The following KIAA1328 variants were observed in gnomAD, a reference collection of about 807,000 sequenced individuals.
KIAA1328 encodes protein hinderin.
KIAA1328 carries 52 observed loss-of-function variants against 68.1 expected under a neutral mutation model. That is an observed-to-expected ratio of 0.76 (90% CI 0.61 to 0.96). The LOEUF (loss-of-function observed/expected upper bound fraction) is 0.96, where lower values mean the gene tolerates loss of function less well. Among genes scored for constraint, KIAA1328 ranks in the 40% least tolerant of loss-of-function variants. The probability of loss-of-function intolerance (pLI) is 0.00; values close to 1 mark genes in which losing one functional copy is unlikely to be tolerated. For synonymous variants in KIAA1328, 232 were observed against 239.4 expected (o/e 0.97, Z 0.28); for missense variants, 641 against 677.6 (o/e 0.95, Z 0.60).
intron 5 of KIAA1328, among the ~76,000 whole-genome samples, chr18:36,906,791 C>T (rs1330018296): frequency 2.6e-5 from 4 of 152,010 alleles, no homozygotes; most frequent in Non-Finnish European, 5.9e-5. Flanking sequence ...ATAAGTTTTC[C>T]AATCAGTTAG....
intron 5 of KIAA1328, among the ~76,000 whole-genome samples, chr18:36,950,478 C>A (rs974507960): frequency 6.6e-6 from 1 of 152,080 alleles, no homozygotes; most frequent in African/African-American, 2.4e-5. Flanking sequence ...TCCAGGAAAA[C>A]ACAGTCTGCT....
intron 7 of KIAA1328, chr18:37,084,295 G>C: frequency 4.3e-6 from 4 of 928,188 alleles, no homozygotes; most frequent in Non-Finnish European, 6.1e-6. Context: ...GATACGTTTG[G>C]TATACTTTTA....
intron 6 of KIAA1328, among the ~76,000 whole-genome samples, chr18:37,043,631 G>T (rs978893651): frequency 6.6e-6 from 1 of 152,170 alleles, no homozygotes; most frequent in Non-Finnish European, 1.5e-5. Flanking sequence ...TCAACCCTTT[G>T]TCACTGATCC....
At chr18:37,069,227 T>C (rs116148670) in intron 7 of KIAA1328, among the ~76,000 whole-genome samples, 1 of 152,158 alleles carries the variant, frequency 6.6e-6, no homozygotes, top group African/African-American at 2.4e-5. Flanking sequence ...CTGAATTCCA[T>C]TTACTAATAT....
At chr18:36,849,487 C>T (rs2047142335) in intron 4 of KIAA1328, among the ~76,000 whole-genome samples, 1 of 151,964 alleles carries the variant, frequency 6.6e-6, no homozygotes, top group South Asian at 2.1e-4. Context: ...TTTGCTGACT[C>T]TGGTTATTCT....
chr18:36,856,230 G>A (rs2047378282), intron 4 of KIAA1328, among the ~76,000 whole-genome samples: 1 of 151,712 alleles, frequency 6.6e-6, no homozygotes, highest in Non-Finnish European at 1.5e-5. Flanking sequence ...TATCTAATTT[G>A]GGAAGTTTTT....
chr18:36,992,502 A>T (rs2053227834), intron 6 of KIAA1328, among the ~76,000 whole-genome samples: 1 of 131,860 alleles, frequency 7.6e-6, no homozygotes, highest in Admixed American at 7.4e-5. Context: ...TCTTTATACG[A>T]TACTTTTGGT....
At chr18:36,851,411 A>G (rs569378075) in intron 4 of KIAA1328, among the ~76,000 whole-genome samples, 5 of 152,220 alleles carry the variant, frequency 3.3e-5, no homozygotes, top group African/African-American at 9.6e-5. Context: ...GGTAGAATTA[A>G]TCAGTGAAGC....
chr18:36,930,846 A>G (rs576188989), intron 5 of KIAA1328, among the ~76,000 whole-genome samples: 2 of 152,110 alleles, frequency 1.3e-5, no homozygotes, highest in Non-Finnish European at 2.9e-5. Context: ...ATATTTAAAT[A>G]TGAAATGAAA....
At chr18:37,198,837 TGAG>T (rs1307323243) in intron 9 of KIAA1328, among the ~76,000 whole-genome samples, 1 of 152,090 alleles carries the variant, frequency 6.6e-6, no homozygotes, top group Non-Finnish European at 1.5e-5. Flanking sequence ...AATGGGGAAA[TGAG>T]GAGAGCAAAA....
chr18:37,110,995 G>T (rs1483417828), intron 7 of KIAA1328, among the ~76,000 whole-genome samples: 2 of 152,008 alleles, frequency 1.3e-5, no homozygotes, highest in African/African-American at 4.8e-5. Flanking sequence ...TTGGTACTTG[G>T]TGTGTGCAAG....
chr18:36,934,172 G>A (rs1298799100), intron 5 of KIAA1328, among the ~76,000 whole-genome samples: 1 of 152,078 alleles, frequency 6.6e-6, no homozygotes, highest in Non-Finnish European at 1.5e-5. Context: ...CTGGGAACTA[G>A]CATCTGACAA....
intron 8 of KIAA1328, among the ~76,000 whole-genome samples, chr18:37,163,272 C>T (rs1308523247): frequency 1.3e-5 from 2 of 152,188 alleles, no homozygotes; most frequent in Non-Finnish European, 2.9e-5. Context: ...CCACTGAGTG[C>T]GCAGTTTTCA....
At chr18:36,919,841 A>C (rs370034275) in intron 5 of KIAA1328, among the ~76,000 whole-genome samples, 2 of 152,094 alleles carry the variant, frequency 1.3e-5, no homozygotes, top group South Asian at 4.1e-4. Flanking sequence ...TTTTTAAAAT[A>C]TATTTGTTGG....
At chr18:36,949,944 G>T (rs1182549577) in intron 5 of KIAA1328, among the ~76,000 whole-genome samples, 3 of 152,210 alleles carry the variant, frequency 2.0e-5, no homozygotes, top group Non-Finnish European at 4.4e-5. Context: ...TTTCAGACTT[G>T]TATCAGTGGC....
chr18:37,203,637 T>C (rs1279108812), intron 9 of KIAA1328, among the ~76,000 whole-genome samples: 1 of 152,190 alleles, frequency 6.6e-6, no homozygotes, highest in Admixed American at 6.5e-5. Context: ...AGACAAAAGA[T>C]AGGTCTGTGA....
intron 7 of KIAA1328, among the ~76,000 whole-genome samples, chr18:37,140,291 G>T (rs2058739270): frequency 6.6e-6 from 1 of 151,876 alleles, no homozygotes; most frequent in South Asian, 2.1e-4. Flanking sequence ...ATTCTTCTTT[G>T]TAAAAGTATT....
intron 7 of KIAA1328, among the ~76,000 whole-genome samples, chr18:37,130,627 G>GA (rs1227006305): frequency 9.9e-5 from 15 of 151,448 alleles, no homozygotes; most frequent in African/African-American, 3.6e-4. Flanking sequence ...AAAAAAAAAA[G>GA]AAAAAAGAAA....
chr18:37,098,024 G>A (rs1403178975), intron 7 of KIAA1328, among the ~76,000 whole-genome samples: 2 of 152,128 alleles, frequency 1.3e-5, no homozygotes, highest in Admixed American at 6.6e-5. Context: ...TGCAAACAGG[G>A]ACAATTTGAC....
Sources: gnomAD v4.1 joint callset for allele counts (sites outside exome capture counted in the v4.1 genomes callset) on GRCh38, gnomAD v4.1.1 for gene constraint, MANE v1.5 for transcripts, NCBI Gene and HGNC (gene_info 2026-07-23, HGNC 2026-07-21) for gene names.